The following RABEP1 variants were observed in gnomAD, a reference collection of about 807,000 sequenced individuals.
The protein encoded by RABEP1 is rabaptin, RAB GTPase binding effector protein 1.
A neutral mutation model predicts 123.4 loss-of-function variants in RABEP1; 51 were observed. The observed-to-expected ratio is 0.41, with a 90% CI of 0.33 to 0.52. The LOEUF (loss-of-function observed/expected upper bound fraction) is 0.52. RABEP1 is among the 20% of genes least tolerant of loss of function. The pLI is 0.16. For missense variants in RABEP1, 888 were observed against 996.3 expected (o/e 0.89, Z 1.46); for synonymous variants, 347 against 355.2 (o/e 0.98, Z 0.26).
At chr17:5,367,340 T>G (rs193057857) in intron 11 of RABEP1, among the ~76,000 whole-genome samples, 6 of 151,668 alleles carry the variant, frequency 4.0e-5, no homozygotes, top group South Asian at 4.2e-4. Context: ...GGCACGATCT[T>G]GGCTCACTGC....
Position 5,338,095 on chromosome 17 carries a change from T to C in RABEP1, c.605T>C (p.Leu202Pro), listed in dbSNP as rs757212889. ...GAAATTGCAGCTTTGAAGGATAAAC[T>C]GACAGAGGCTGAAGACAAAATTAAA... ...EKEIAALKDK[L>P]TEAEDKIKEL... is the part of the protein sequence containing the mutation. Residue 202 changes from leucine (L) to proline (P), a missense_variant, in exon 5 of 18, where the codon CTG becomes CCG. Coordinates refer to ENST00000537505, the MANE Select transcript of RABEP1 (RefSeq NM_004703.6). The C allele has an allele frequency of 1.2e-6, 2 of 1,613,446 alleles. No homozygotes were observed. Among genetic ancestry groups the C allele is most frequent in the Non-Finnish European group, 8.5e-7 (1 of 1,179,516 alleles).
chr17:5,377,981 G>A (rs1286897843), intron 14 of RABEP1, among the ~76,000 whole-genome samples, 196 bp from the exon 15 acceptor site: 2 of 152,126 alleles, frequency 1.3e-5, no homozygotes, highest in East Asian at 1.9e-4. Flanking sequence ...TTATGACACA[G>A]TGTCCATTTG....
Position 5,367,003 on chromosome 17 carries a change from C to T in RABEP1, c.1786-1367C>T, listed in dbSNP as rs140261247. On this transcript the variant is annotated intron_variant, in intron 11 of 17. Coordinates refer to ENST00000537505, the MANE Select transcript of RABEP1 (RefSeq NM_004703.6). The stretch of plus-strand genomic sequence containing the variant: ...ACTTGGGAGGCTGAGGCAGGAGAAT[C>T]GCTTGAACCCGGGAGGCGGAGGTTG... 8.6e-3 allele frequency among the ~76,000 whole-genome samples: 1,306 copies of T among 151,046 alleles called. 20 individuals carry two copies. Among genetic ancestry groups the T allele is most frequent in the African/African-American group, 0.029 (1,191 of 41,240 alleles).
At chr17:5,347,662 A>G (rs1488353014) in intron 6 of RABEP1, among the ~76,000 whole-genome samples, 1 of 152,204 alleles carries the variant, frequency 6.6e-6, no homozygotes, top group African/African-American at 2.4e-5. Flanking sequence ...TCAGTGATAC[A>G]GAAATTGACT....
At chr17:5,309,256 G>A (rs552288532) in intron 2 of RABEP1, among the ~76,000 whole-genome samples, 1 of 152,266 alleles carries the variant, frequency 6.6e-6, no homozygotes, top group Admixed American at 6.5e-5. Flanking sequence ...TTATACTTGT[G>A]TTGGGTATAC....
Position 5,377,243 on chromosome 17 carries a change from G to A in RABEP1, c.2153G>A (p.Cys718Tyr), listed in dbSNP as rs1911063788. The change falls in exon 14 of 18, where the codon TGT becomes TAT. Residue 718 changes from cysteine (C) to tyrosine (Y), a missense_variant. Physicochemically the swap from Cys to Tyr is radical, Grantham distance 194. Coordinates refer to ENST00000537505, the MANE Select transcript of RABEP1 (RefSeq NM_004703.6). ...FLKEQIQAEQCLKENLEETLQ... is the reference protein window; with the variant it reads ...FLKEQIQAEQYLKENLEETLQ... ...AAAGAGCAGATCCAAGCAGAACAGT[G>A]TTTAAAAGAAAATCTTGAAGAAACT... The A allele has an allele frequency of 1.3e-6, 2 of 1,599,346 alleles. No homozygotes were observed. The highest frequency in any genetic ancestry group is 1.1e-5 in the South Asian group (1 of 87,678).
intron 1 of RABEP1, among the ~76,000 whole-genome samples, chr17:5,287,385 G>T (rs1367002579): frequency 6.6e-6 from 1 of 152,028 alleles, no homozygotes; most frequent in Non-Finnish European, 1.5e-5. Flanking sequence ...GATCACCTGA[G>T]GTCAGGAGTT....
chr17:5,375,921 G>T (rs1371298828), intron 13 of RABEP1, among the ~76,000 whole-genome samples: 1 of 151,800 alleles, frequency 6.6e-6, no homozygotes, highest in Non-Finnish European at 1.5e-5. Flanking sequence ...CACCCAGGCT[G>T]GAGTGCAGTG....
At chr17:5,328,460 C>CA (rs1906182650) in intron 2 of RABEP1, among the ~76,000 whole-genome samples, 1 of 150,446 alleles carries the variant, frequency 6.6e-6, no homozygotes, top group South Asian at 2.1e-4. Flanking sequence ...GCCTGGGCAG[C>CA]ATGACAAAAC....
chr17:5,324,951 G>A (rs112460111), intron 2 of RABEP1, among the ~76,000 whole-genome samples: 6 of 152,290 alleles, frequency 3.9e-5, no homozygotes, highest in South Asian at 2.1e-4. Context: ...TAGTATGGAG[G>A]TTCCTCAAAA....
At chr17:5,309,388 A>G (rs190984287) in intron 2 of RABEP1, among the ~76,000 whole-genome samples, 300 of 149,628 alleles carry the variant, frequency 2.0e-3, no homozygotes, top group African/African-American at 7.2e-3. Flanking sequence ...GGTGGCTCAC[A>G]CCTGTAATCC....
chr17:5,290,617 G>A (rs1328239985), intron 1 of RABEP1, among the ~76,000 whole-genome samples: 1 of 151,978 alleles, frequency 6.6e-6, no homozygotes, highest in South Asian at 2.1e-4. Flanking sequence ...TTTTGAGATA[G>A]AGTCTTTCTC....
At chr17:5,305,177 A>T (rs550283337) in intron 1 of RABEP1, among the ~76,000 whole-genome samples, 3 of 152,098 alleles carry the variant, frequency 2.0e-5, no homozygotes, top group Admixed American at 6.5e-5. Flanking sequence ...ATTTGTCTCG[A>T]TGTTGTAGTA....
intron 2 of RABEP1, among the ~76,000 whole-genome samples, chr17:5,311,437 C>A (rs1046859708): frequency 2.0e-5 from 3 of 151,888 alleles, no homozygotes; most frequent in African/African-American, 4.8e-5. Flanking sequence ...TGGCTGACAC[C>A]TGTAATCCCA....
intron 4 of RABEP1, among the ~76,000 whole-genome samples, chr17:5,337,233 C>T (rs1009304573): frequency 6.6e-6 from 1 of 152,056 alleles, no homozygotes; most frequent in Non-Finnish European, 1.5e-5. Context: ...ATTTAAAGTA[C>T]TCTGTTTAAT....
At chr17:5,304,487 C>CA (rs1245855666) in intron 1 of RABEP1, among the ~76,000 whole-genome samples, 1 of 151,716 alleles carries the variant, frequency 6.6e-6, no homozygotes, top group South Asian at 2.1e-4. Context: ...GAGGCTGAGG[C>CA]AGGAGGATCG....
In RABEP1 at chr17:5,309,599, G is replaced by A. The variant is rs540904425; in HGVS notation, c.163+777G>A. Among the ~76,000 whole-genome samples the A allele has an allele frequency of 3.3e-5, 5 of 151,188 alleles. No homozygotes were observed. The South Asian group carries it at 1.0e-3, about 31-fold the overall frequency. ...ACCCAGGAGGCAGACGTTGAGGTGA[G>A]CTGAGATTGCGCCATTGCACTCCAG... is the stretch of plus-strand genomic sequence containing the variant. On this transcript the variant is annotated intron_variant, in intron 2 of 17. Coordinates refer to ENST00000537505, the MANE Select transcript of RABEP1 (RefSeq NM_004703.6).
At chr17:5,285,144 G>C (rs919884192) in intron 1 of RABEP1, among the ~76,000 whole-genome samples, 1 of 152,056 alleles carries the variant, frequency 6.6e-6, no homozygotes, top group Non-Finnish European at 1.5e-5. Context: ...TACTTATTTG[G>C]AATACAGGTA....
intron 2 of RABEP1, among the ~76,000 whole-genome samples, chr17:5,331,483 G>A (rs1457083455): frequency 6.6e-6 from 1 of 152,158 alleles, no homozygotes; most frequent in Non-Finnish European, 1.5e-5. Context: ...AGAGGGAGCC[G>A]AGAAATTAAT....
Sources: gnomAD v4.1 joint callset for allele counts (sites outside exome capture counted in the v4.1 genomes callset) on GRCh38, gnomAD v4.1.1 for gene constraint, MANE v1.5 for transcripts, NCBI Gene and HGNC (gene_info 2026-07-23, HGNC 2026-07-21) for gene names.